Variants in ZNF138 observed in about 807,000 individuals in gnomAD.
The protein encoded by ZNF138 is zinc finger protein 138 (clone pHZ-32).
Under a neutral mutation model 33.0 loss-of-function variants are expected in ZNF138, and 33 were observed. The observed-to-expected ratio is 1.00, with a 90% confidence interval of 0.76 to 1.34. The LOEUF is 1.34. Among genes scored for constraint, ZNF138 ranks in the 40% most tolerant of loss-of-function variants. The pLI is 0.00. For missense variants in ZNF138, 360 were observed against 370.8 expected, an observed-to-expected ratio of 0.97 and a Z score of 0.24; for synonymous variants, 139 against 120.4, an observed-to-expected ratio of 1.15 and a Z score of -1.01.
chr7:64,806,717 C>T (rs1427741793), intron 1 of ZNF138, among the ~76,000 whole-genome samples: 1 of 152,190 alleles, frequency 6.6e-6, no homozygotes, highest in African/African-American at 2.4e-5. Context: ...GCTATTTCTA[C>T]AAGTAGCTAA....
At chr7:64,848,314 A>G in the ZNF138 span, among the ~76,000 whole-genome samples, 6 of 152,074 alleles carry the variant, frequency 3.9e-5, no homozygotes, top group Admixed American at 6.5e-5. Context: ...AAATCATTCC[A>G]AACTTCTTGG....
Position 64,831,815 on chromosome 7 carries a change from A to G in ZNF138, c.573A>G (p.Arg191=), listed in dbSNP as rs1790111754. ...CTCAACATAAAAAAATTCATACTAG[A>G]GAGAATTTCTACAAATGTGAAGAGT... The part of the protein sequence containing the change: ...RLTQHKKIHT[R]ENFYKCEECG... The change falls in exon 4 of 4, where the codon AGA becomes AGG. Residue 191 remains arginine, a synonymous_variant. Transcript: ENST00000307355. The G allele has an allele frequency of 1.4e-5, 23 of 1,613,552 alleles. No homozygotes were observed. Among genetic ancestry groups the G allele is most frequent in the Non-Finnish European group, 1.9e-5 (23 of 1,179,904 alleles).
rs941905003 is a variant in ZNF138 at position 64,804,218 on chromosome 7, C to G, written c.3+9647C>G. Among the ~76,000 whole-genome samples, 8 of 152,280 alleles carry G rather than the reference C, an allele frequency of 5.3e-5. No homozygotes were observed. The East Asian group carries it at 1.5e-3, about 29-fold the overall frequency. On this transcript the variant is annotated intron_variant, in intron 1 of 3. Coordinates refer to ENST00000307355, the MANE Select transcript of ZNF138 (RefSeq NM_001271639.2). ...TGGGCCTGGTAGTTAAAGATTGACC[C>G]CTGACCTAATTGGCTATGTTATCTA...
At chr7:64,825,804 TG>T (rs1789560462) in intron 3 of ZNF138, among the ~76,000 whole-genome samples, 1 of 152,106 alleles carries the variant, frequency 6.6e-6, no homozygotes, top group Non-Finnish European at 1.5e-5. Context: ...CCCAAAATGT[TG>T]GGATTACAGG....
At chr7:64,836,747 C>T (rs1790377176), downstream of ZNF138, 1 of 152,138 alleles carries the variant, frequency 6.6e-6, no homozygotes, top group Admixed American at 6.5e-5. Flanking sequence ...TTACTTTGAT[C>T]ATACAGGAAG....
chr7:64,844,075 G>T, the ZNF138 span, among the ~76,000 whole-genome samples: 32 of 152,250 alleles, frequency 2.1e-4, no homozygotes, highest in Non-Finnish European at 3.7e-4. Context: ...TGCCCGCCTT[G>T]ACCTCCCAAA....
Position 64,821,032 on chromosome 7 carries a change from A to AT in ZNF138, c.208+5381dup, listed in dbSNP as rs1166936843. 1.3e-3 allele frequency among the ~76,000 whole-genome samples: 10 copies of AT among 7,796 alleles called. 1 individual carries two copies. The highest frequency in any genetic ancestry group is 2.7e-3 in the Admixed American group (1 of 376). 5.1% of individuals were successfully genotyped at this position (7,796 alleles called of 152,430 possible). A position where few individuals can be genotyped will look rare whatever the true frequency, so the allele number is the denominator to read the frequency against. ...TGGCCATTCTAATTGGTGTGAGGTG[A>AT]TTGTTTTTTTTTGTTTTGTTTTTGG... On this transcript the variant is annotated intron_variant, in intron 3 of 3. Coordinates refer to ENST00000307355, the MANE Select transcript of ZNF138 (RefSeq NM_001271639.2).
Position 64,833,086 on chromosome 7 carries a change from G to A in ZNF138, c.*884G>A. The A allele has an allele frequency of 2.5e-5, 7 of 280,392 alleles. No homozygotes were observed. The highest frequency in any genetic ancestry group is 6.6e-5 in the African/African-American group (3 of 45,148). The allele number at this position is 280,392 out of a possible 1,614,324, so 17.4% of individuals were successfully genotyped here. Reference sequence around the variant, plus strand: ...ATAATTTATACTGGAGCAAAACCTTGGAAATTCAAAGAATGTGGTAAAACT... The same window carrying A: ...ATAATTTATACTGGAGCAAAACCTTAGAAATTCAAAGAATGTGGTAAAACT... On this transcript the variant is annotated 3_prime_UTR_variant, in exon 4 of 4. Coordinates refer to ENST00000307355, the MANE Select transcript of ZNF138 (RefSeq NM_001271639.2).
At chr7:64,839,465 C>T in the ZNF138 span, among the ~76,000 whole-genome samples, 18 of 152,190 alleles carry the variant, frequency 1.2e-4, no homozygotes, top group African/African-American at 4.1e-4. Flanking sequence ...GTCTCTGAGT[C>T]GTCAATGCCG....
At chr7:64,860,185 G>A in the ZNF138 span, among the ~76,000 whole-genome samples, 5 of 152,042 alleles carry the variant, frequency 3.3e-5, no homozygotes, top group African/African-American at 7.3e-5. Flanking sequence ...TATTTGTTGG[G>A]TACACTGTCA....
At chr7:64,852,063 G>A in the ZNF138 span, among the ~76,000 whole-genome samples, 2 of 152,148 alleles carry the variant, frequency 1.3e-5, no homozygotes, top group Admixed American at 6.5e-5. Context: ...ACATGACTAC[G>A]ATAATGTCTG....
chr7:64,820,427 T>C (rs1450494583), intron 3 of ZNF138, among the ~76,000 whole-genome samples: 1 of 151,774 alleles, frequency 6.6e-6, no homozygotes, highest in Non-Finnish European at 1.5e-5. Context: ...TTGATGTGTT[T>C]GTAAGTCAAG....
chr7:64,840,828 T>C, the ZNF138 span, among the ~76,000 whole-genome samples: 1 of 152,190 alleles, frequency 6.6e-6, no homozygotes, highest in Non-Finnish European at 1.5e-5. Context: ...TGCACGTATG[T>C]TACTCTAAAT....
chr7:64,832,301 T>C lies in ZNF138; in HGVS notation c.*99T>C. ...ACCAGTTTTCAACCCTTATTACACA[T>C]AAGATAATTCATAGCGGAGAGAAAC... On this transcript the variant is annotated 3_prime_UTR_variant, in exon 4 of 4. Coordinates refer to ENST00000307355, the MANE Select transcript of ZNF138 (RefSeq NM_001271639.2). The C allele has an allele frequency of 6.3e-7, 1 of 1,584,900 alleles. No homozygotes were observed. The highest frequency in any genetic ancestry group is 8.6e-7 in the Non-Finnish European group (1 of 1,167,650).
downstream of ZNF138, among the ~76,000 whole-genome samples, chr7:64,837,351 A>G (rs574818053): frequency 6.6e-6 from 1 of 152,140 alleles, no homozygotes; most frequent in African/African-American, 2.4e-5. Context: ...TTCTGGGGTT[A>G]TTATGGCTGG....
At chr7:64,860,312 G>A in the ZNF138 span, among the ~76,000 whole-genome samples, 1 of 152,074 alleles carries the variant, frequency 6.6e-6, no homozygotes, top group Non-Finnish European at 1.5e-5. Flanking sequence ...TACCAATTTT[G>A]AAATATACAC....
At chr7:64,797,506 T>C (rs987010649) in intron 1 of ZNF138, among the ~76,000 whole-genome samples, 2 of 152,164 alleles carry the variant, frequency 1.3e-5, no homozygotes, top group African/African-American at 2.4e-5. Context: ...ATATTGAGCC[T>C]ACAAAGGGAA....
At chr7:64,804,289 C>T (rs1049702952) in intron 1 of ZNF138, among the ~76,000 whole-genome samples, 8 of 152,186 alleles carry the variant, frequency 5.3e-5, no homozygotes, top group Non-Finnish European at 8.8e-5. Context: ...AATCCCTGTC[C>T]TGTTCTGTTC....
chr7:64,806,417 A>G (rs117359507), intron 1 of ZNF138, among the ~76,000 whole-genome samples: 1 of 152,322 alleles, frequency 6.6e-6, no homozygotes, highest in Admixed American at 6.5e-5. Context: ...TCAGAGTAGC[A>G]TGTGCACTGA....
Sources: gnomAD v4.1 joint callset for allele counts (sites outside exome capture counted in the v4.1 genomes callset) on GRCh38, gnomAD v4.1.1 for gene constraint, MANE v1.5 for transcripts, NCBI Gene and HGNC (gene_info 2026-07-23, HGNC 2026-07-21) for gene names.